NEAT1: variants seen among roughly 807,000 people sequenced by gnomAD.
NEAT1 encodes nuclear paraspeckle assembly transcript 1.
exon 1 of NEAT1, chr11:65,431,336 A>G (rs1054944814): frequency 6.6e-6 from 1 of 152,134 alleles, no homozygotes; most frequent in African/African-American, 2.4e-5. Context: ...CTATGTACAA[A>G]TATCTATATT....
exon 1 of NEAT1, chr11:65,444,673 G>C (rs2134911567): frequency 8.1e-6 from 3 of 368,516 alleles, no homozygotes; most frequent in Middle Eastern, 1.3e-3. Context: ...GGGTGGCCTG[G>C]GGCAAGTACC....
exon 1 of NEAT1, chr11:65,428,855 A>G (rs1263178274): frequency 6.6e-6 from 1 of 152,164 alleles, no homozygotes; most frequent in East Asian, 1.9e-4. Context: ...AGTTTACTGT[A>G]AAGTTTGCAA....
At chr11:65,425,783 TTAA>T (rs1386465237) in exon 1 of NEAT1, 1 of 152,184 alleles carries the variant, frequency 6.6e-6, no homozygotes, top group Non-Finnish European at 1.5e-5. Context: ...TTGGTCGATA[TTAA>T]TAATGGCAAA....
At chr11:65,422,808 A>G (rs1480811872) in exon 1 of NEAT1, 1 of 153,010 alleles carries the variant, frequency 6.5e-6, no homozygotes, top group African/African-American at 2.4e-5. Flanking sequence ...GGAGTTAGCG[A>G]CAGGGAGGGA....
At chr11:65,444,026 A>C (rs1856740244) in exon 1 of NEAT1, 1 of 180,260 alleles carries the variant, frequency 5.5e-6, no homozygotes. Flanking sequence ...GTTGGGACTT[A>C]GATGGCCGTG....
exon 1 of NEAT1, chr11:65,444,947 AG>A (rs1438770862): frequency 5.1e-6 from 1 of 195,456 alleles, no homozygotes; most frequent in Non-Finnish European, 1.1e-5. Context: ...CCACTAGGCC[AG>A]GGTGCCGGAA....
chr11:65,436,476 C>T (rs1376542055), exon 1 of NEAT1: 1 of 152,262 alleles, frequency 6.6e-6, no homozygotes, highest in African/African-American at 2.4e-5. Context: ...CATGTTTGAA[C>T]TTCAAACCCT....
exon 1 of NEAT1, chr11:65,437,075 CTGAT>C (rs1856663862): frequency 6.6e-6 from 1 of 151,584 alleles, no homozygotes; most frequent in Non-Finnish European, 1.5e-5. Context: ...TGTATACTTA[CTGAT>C]TAATAATAAG....
At chr11:65,425,816 C>T (rs1856555416) in exon 1 of NEAT1, 1 of 152,000 alleles carries the variant, frequency 6.6e-6, no homozygotes, top group Non-Finnish European at 1.5e-5. Context: ...TATCTAGTAT[C>T]TTCAAATTGT....
exon 1 of NEAT1, chr11:65,431,459 A>G (rs1399034025): frequency 6.6e-6 from 1 of 152,148 alleles, no homozygotes; most frequent in Non-Finnish European, 1.5e-5. Context: ...CGATATTTCT[A>G]TTTTTAATTT....
At chr11:65,436,722 G>A (rs183364004) in exon 1 of NEAT1, 1 of 152,320 alleles carries the variant, frequency 6.6e-6, no homozygotes, top group Non-Finnish European at 1.5e-5. Context: ...CATCTGTGTG[G>A]TAGCCGTGTT....
At chr11:65,433,157 A>G (rs901951246) in exon 1 of NEAT1, 11 of 152,162 alleles carry the variant, frequency 7.2e-5, no homozygotes, top group Non-Finnish European at 1.5e-4. Context: ...ACTGCCATCA[A>G]GTGTCTTTCT....
exon 1 of NEAT1, chr11:65,438,582 T>C (rs1856686740): frequency 6.6e-6 from 1 of 152,214 alleles, no homozygotes; most frequent in South Asian, 2.1e-4. Flanking sequence ...TGGTAAACTT[T>C]GTTGTGCTCT....
chr11:65,426,074 A>G (rs1436391746), exon 1 of NEAT1: 1 of 152,094 alleles, frequency 6.6e-6, no homozygotes, highest in Non-Finnish European at 1.5e-5. Context: ...CCTTTACTAC[A>G]TGTGTGATCT....
At chr11:65,434,069 C>T (rs949022810) in exon 1 of NEAT1, 1 of 151,916 alleles carries the variant, frequency 6.6e-6, no homozygotes, top group Non-Finnish European at 1.5e-5. Context: ...TCATTTAATA[C>T]CATGGTAAGA....
chr11:65,444,305 G>GTT (rs1856743812), exon 1 of NEAT1: 4 of 383,738 alleles, frequency 1.0e-5, no homozygotes, highest in South Asian at 3.7e-5. Flanking sequence ...GTGTGTGTGT[G>GTT]TGTGTGTGTG....
chr11:65,436,002 G>A (rs543771546), exon 1 of NEAT1: 13 of 152,354 alleles, frequency 8.5e-5, no homozygotes, highest in Non-Finnish European at 2.9e-5. Flanking sequence ...TCCTGGTCTG[G>A]GAAGGAGTGC....
At chr11:65,435,209 T>C (rs1856648104) in exon 1 of NEAT1, 1 of 152,198 alleles carries the variant, frequency 6.6e-6, no homozygotes, top group Non-Finnish European at 1.5e-5. Context: ...GTGGAGTGTA[T>C]GAATTTATAA....
chr11:65,429,385 C>T (rs1405070661), exon 1 of NEAT1: 1 of 152,242 alleles, frequency 6.6e-6, no homozygotes, highest in East Asian at 1.9e-4. Context: ...AACCTTTGCT[C>T]CTCCGACGGA....
Sources: allele counts gnomAD v4.1 joint callset, GRCh38; gene constraint gnomAD v4.1.1; transcripts MANE v1.5; gene names NCBI Gene and HGNC (gene_info 2026-07-23, HGNC 2026-07-21).